The following ABLIM1 variants were observed in gnomAD, a reference collection of about 807,000 sequenced individuals.
The protein encoded by ABLIM1 is actin-binding LIM protein 1.
A neutral mutation model predicts 107.0 loss-of-function variants in ABLIM1; 40 were observed. The observed-to-expected ratio is 0.37, with a 90% CI of 0.29 to 0.49. ABLIM1 has a LOEUF of 0.49. Among genes scored for constraint, ABLIM1 ranks in the 20% least tolerant of loss-of-function variants. The pLI is 0.97. For synonymous variants in ABLIM1, 357 were observed against 357.3 expected (o/e 1.00, Z 0.01); for missense variants, 857 against 1,008.5 (o/e 0.85, Z 2.04).
chr10:114,566,377 C>T (rs1305677511), intron 4 of ABLIM1, among the ~76,000 whole-genome samples: 2 of 151,940 alleles, frequency 1.3e-5, no homozygotes, highest in African/African-American at 2.4e-5. Flanking sequence ...AACCCAAACC[C>T]GATTCCCTAC....
At chr10:114,794,524 AG>A in the ABLIM1 span, among the ~76,000 whole-genome samples, 1 of 152,232 alleles carries the variant, frequency 6.6e-6, no homozygotes, top group African/African-American at 2.4e-5. Flanking sequence ...TGAACATCTG[AG>A]GTTTCTGAAA....
At chr10:114,525,854 T>C (rs1329142731) in intron 6 of ABLIM1, among the ~76,000 whole-genome samples, 1 of 152,210 alleles carries the variant, frequency 6.6e-6, no homozygotes, top group African/African-American at 2.4e-5. Context: ...TTTTCCAACA[T>C]CATAAATCTA....
chr10:114,535,387 C>T (rs368001491), intron 6 of ABLIM1, among the ~76,000 whole-genome samples: 1 of 152,036 alleles, frequency 6.6e-6, no homozygotes, highest in Non-Finnish European at 1.5e-5. Flanking sequence ...CTTGGCTCAC[C>T]GCAGCCTCTG....
chr10:114,559,777 A>T lies in ABLIM1; in HGVS notation c.673+11520T>A, dbSNP rs184193434. 1.9e-3 allele frequency among the ~76,000 whole-genome samples: 285 copies of T among 152,372 alleles called. 2 individuals are homozygous for T. The highest frequency in any genetic ancestry group is 6.6e-3 in the African/African-American group (276 of 41,600). ...GCTGAAGCTTGAAGGCTGTGTTCTCAGCACTGTTGATACTCTTTTTTCTGG... is the reference window on the plus strand; with the variant it reads ...GCTGAAGCTTGAAGGCTGTGTTCTCTGCACTGTTGATACTCTTTTTTCTGG... On this transcript the variant is annotated intron_variant, in intron 4 of 22. Transcript: ENST00000533213.
chr10:114,760,447 CACACACT>C (rs2082722392), intron 1 of ABLIM1, among the ~76,000 whole-genome samples: 2 of 119,860 alleles, frequency 1.7e-5, no homozygotes, highest in South Asian at 5.7e-4. Flanking sequence ...CACACACACA[CACACACT>C]GACTTAGTGC....
At chr10:114,441,400 T>C (rs974164662) in intron 18 of ABLIM1, among the ~76,000 whole-genome samples, 3 of 152,230 alleles carry the variant, frequency 2.0e-5, no homozygotes, top group Admixed American at 6.5e-5. Context: ...CTTATATCTT[T>C]TTACAGCAAA....
At chr10:114,552,987 A>G (rs1174674967) in intron 4 of ABLIM1, among the ~76,000 whole-genome samples, 1 of 152,216 alleles carries the variant, frequency 6.6e-6, no homozygotes, top group African/African-American at 2.4e-5. Flanking sequence ...GAAAATAAAG[A>G]CCACTGTTAG....
chr10:114,713,023 TGACA>T (rs1032770362), intron 1 of ABLIM1, among the ~76,000 whole-genome samples: 2 of 152,110 alleles, frequency 1.3e-5, no homozygotes, highest in Admixed American at 1.3e-4. Flanking sequence ...TACTCCAGCC[TGACA>T]GACAGAGCAA....
chr10:114,789,038 C>T, the ABLIM1 span, among the ~76,000 whole-genome samples: 1 of 151,948 alleles, frequency 6.6e-6, no homozygotes, highest in Non-Finnish European at 1.5e-5. Flanking sequence ...GGGCGGATCA[C>T]GAGGTCAGGA....
intron 3 of ABLIM1, among the ~76,000 whole-genome samples, 185 bp downstream of exon 3, chr10:114,575,231 T>G (rs531732018): frequency 6.6e-6 from 1 of 152,340 alleles, no homozygotes; most frequent in African/African-American, 2.4e-5. Flanking sequence ...GTAGAGGACA[T>G]CACACATACA....
chr10:114,551,581 T>C (rs2068066630), intron 4 of ABLIM1, among the ~76,000 whole-genome samples: 1 of 152,250 alleles, frequency 6.6e-6, no homozygotes, highest in African/African-American at 2.4e-5. Flanking sequence ...AAGTGGAAAC[T>C]TGACCTGCAA....
upstream of ABLIM1, among the ~76,000 whole-genome samples, chr10:114,688,416 G>C (rs528419314): frequency 3.9e-5 from 6 of 152,218 alleles, no homozygotes; most frequent in South Asian, 1.2e-3. Flanking sequence ...TCATTTTCCT[G>C]AACTTGTACG....
chr10:114,546,205 G>A (rs188225547), intron 5 of ABLIM1, among the ~76,000 whole-genome samples: 4 of 151,878 alleles, frequency 2.6e-5, no homozygotes, highest in East Asian at 1.9e-4. Flanking sequence ...ACCCACCCCC[G>A]CATAGCTTGC....
At chr10:114,438,614 G>C (rs1489669798) in intron 21 of ABLIM1, among the ~76,000 whole-genome samples, 1 of 152,164 alleles carries the variant, frequency 6.6e-6, no homozygotes, top group East Asian at 1.9e-4. Flanking sequence ...TTTGTGCTGG[G>C]GTTAACAATC....
At chr10:114,788,327 AAAAAAAT>A in the ABLIM1 span, among the ~76,000 whole-genome samples, 41 of 135,464 alleles carry the variant, frequency 3.0e-4, no homozygotes, top group South Asian at 3.1e-3. Context: ...AATGATCAAT[AAAAAAAT>A]AAAAAAAAAA....
the ABLIM1 span, among the ~76,000 whole-genome samples, chr10:114,789,353 G>C: frequency 6.6e-6 from 1 of 152,200 alleles, no homozygotes; most frequent in Non-Finnish European, 1.5e-5. Flanking sequence ...TATGGCCTCA[G>C]GAGAGGGTCC....
the ABLIM1 span, among the ~76,000 whole-genome samples, chr10:114,774,824 C>T: frequency 1.3e-5 from 2 of 151,960 alleles, no homozygotes; most frequent in African/African-American, 4.8e-5. Flanking sequence ...ACAAGGGAAC[C>T]AAGGCGGAGA....
Position 114,644,306 on chromosome 10 carries a change from A to AAAATAT in ABLIM1, c.244+13650_244+13651insATATTT, listed in dbSNP as rs1408072252. 2.4e-3 allele frequency among the ~76,000 whole-genome samples: 123 copies of AAAATAT among 52,220 alleles called. 3 individuals are homozygous for AAAATAT. Among genetic ancestry groups the AAAATAT allele is most frequent in the Non-Finnish European group, 3.1e-3 (98 of 31,826 alleles). The allele number at this position is 52,220 out of a possible 152,430, so 34.3% of individuals were successfully genotyped here. A position where few individuals can be genotyped will look rare whatever the true frequency, so the allele number is the denominator to read the frequency against. On this transcript the variant is annotated intron_variant, in intron 1 of 22. Transcript: ENST00000533213. ...AAAAAAAAAAAAAAAAAAAAAAAAA[A>AAAATAT]ATATATATATATATATATATATATG...
At chr10:114,765,728 G>A (rs1407966987) in intron 1 of ABLIM1, among the ~76,000 whole-genome samples, 1 of 152,046 alleles carries the variant, frequency 6.6e-6, no homozygotes, top group Non-Finnish European at 1.5e-5. Flanking sequence ...TAAAAGTGCT[G>A]CATAAAAAGA....
Sources: gnomAD v4.1 joint callset for allele counts (sites outside exome capture counted in the v4.1 genomes callset) on GRCh38, gnomAD v4.1.1 for gene constraint, MANE v1.5 for transcripts, NCBI Gene and HGNC (gene_info 2026-07-23, HGNC 2026-07-21) for gene names.